Variants in FAM234B observed in about 807,000 individuals in gnomAD.
FAM234B encodes the protein family with sequence similarity 234 member B.
A neutral mutation model predicts 69.3 loss-of-function variants in FAM234B; 33 were observed. That is an observed-to-expected ratio of 0.48 (90% CI 0.36 to 0.64). The LOEUF (loss-of-function observed/expected upper bound fraction) is 0.64. Among genes scored for constraint, FAM234B ranks in the 30% least tolerant of loss-of-function variants. The probability of loss-of-function intolerance (pLI) is 0.00; values close to 1 mark genes in which losing one functional copy is unlikely to be tolerated. For synonymous variants in FAM234B, 306 were observed against 306.9 expected (o/e 1.00, Z 0.03); for missense variants, 697 against 769.7 (o/e 0.91, Z 1.12).
At chr12:13,064,450 G>A (rs1160078770) in intron 5 of FAM234B, among the ~76,000 whole-genome samples, 5 of 152,140 alleles carry the variant, frequency 3.3e-5, no homozygotes, top group South Asian at 2.1e-4. Context: ...TAACCATCCC[G>A]TCTGGCCGCT....
chr12:13,079,688 T>G, intron 11 of FAM234B, 101 bp from the exon 12 acceptor site: 1 of 738,622 alleles, frequency 1.4e-6, no homozygotes, highest in Non-Finnish European at 2.3e-6. Context: ...ATTTCCTGTA[T>G]GAACTTATGA....
chr12:13,045,570 G>A (rs1864800206), intron 1 of FAM234B, among the ~76,000 whole-genome samples: 1 of 152,100 alleles, frequency 6.6e-6, no homozygotes, highest in African/African-American at 2.4e-5. Context: ...ATGACGCTAG[G>A]TTGGATATTA....
intron 1 of FAM234B, among the ~76,000 whole-genome samples, chr12:13,046,872 T>G (rs1864818694): frequency 6.6e-6 from 1 of 152,220 alleles, no homozygotes; most frequent in African/African-American, 2.4e-5. Context: ...CTTAATCTCT[T>G]TAAGCTTTAG....
intron 1 of FAM234B, among the ~76,000 whole-genome samples, chr12:13,047,012 T>C (rs945846654): frequency 3.3e-5 from 5 of 152,240 alleles, no homozygotes; most frequent in African/African-American, 1.2e-4. Flanking sequence ...TCTAGTAACC[T>C]CTGACATATG....
rs1285384988 is a variant in FAM234B at position 13,076,114 on chromosome 12, A to C, written c.1613A>C (p.Asn538Thr). The C allele has an allele frequency of 6.2e-7, 1 of 1,613,840 alleles. No homozygotes were observed. The highest frequency in any genetic ancestry group is 1.1e-5 in the South Asian group (1 of 91,058). The change falls in exon 11 of 13, where the codon AAC becomes ACC. Residue 538 changes from asparagine (N) to threonine (T), a missense_variant. By Grantham distance (65) the Asn-to-Thr change is moderately conservative (BLOSUM62 0). Around this residue, in one of 3 missense-constraint regions of FAM234B, gnomAD observed 313 missense variants for 305.5 expected, o/e 1.02. Coordinates refer to ENST00000197268, the MANE Select transcript of FAM234B (RefSeq NM_020853.2). The stretch of plus-strand genomic sequence containing the variant: ...CCCTCCATCCTTCTGGATCTGGCCA[A>C]CACCACCGGCACAGTGACGGCTTCA... ...AFPSILLDLA[N>T]TTGTVTASEV...
At chr12:13,061,044 T>C (rs1487264709) in intron 3 of FAM234B, among the ~76,000 whole-genome samples, 2 of 152,246 alleles carry the variant, frequency 1.3e-5, no homozygotes, top group African/African-American at 2.4e-5. Flanking sequence ...ATTTTTCTGC[T>C]CTCAGGAAGC....
At chr12:13,071,437 T>G (rs148021103) in intron 10 of FAM234B, 41 bp downstream of exon 10, 2 of 1,573,318 alleles carry the variant, frequency 1.3e-6, no homozygotes, top group Non-Finnish European at 1.7e-6. Context: ...CTTTGTCAGA[T>G]GGCAGCTGCT....
At chr12:13,047,743 A>C (rs957766613) in intron 1 of FAM234B, among the ~76,000 whole-genome samples, 2 of 152,182 alleles carry the variant, frequency 1.3e-5, no homozygotes, top group Non-Finnish European at 2.9e-5. Context: ...GTGGTGGCTG[A>C]AAGTAGCAAG....
intron 9 of FAM234B, 98 bp downstream of exon 9, chr12:13,068,809 A>C: frequency 1.3e-6 from 1 of 740,818 alleles, no homozygotes; most frequent in Non-Finnish European, 2.3e-6. Context: ...AAGAACCTAA[A>C]ATATGATCTC....
chr12:13,072,191 A>G (rs1865113880), intron 10 of FAM234B, among the ~76,000 whole-genome samples: 1 of 152,228 alleles, frequency 6.6e-6, no homozygotes, highest in Non-Finnish European at 1.5e-5. Flanking sequence ...GAATTCATCA[A>G]CCAGGCTCAG....
chr12:13,080,764 G>A lies in FAM234B; in HGVS notation c.*134G>A. 1.4e-6 allele frequency: 1 copy of A among 717,080 alleles called. No individual in the cohort carries two copies. Among genetic ancestry groups the A allele is most frequent in the Non-Finnish European group, 2.3e-6 (1 of 429,048 alleles). 44.4% of individuals were successfully genotyped at this position (717,080 alleles called of 1,614,324 possible). A position where few individuals can be genotyped will look rare whatever the true frequency, so the allele number is the denominator to read the frequency against. ...TACCACCTCCCTGATGGTTGCAAAG[G>A]CTTGGGAAGGCATGTTGGAGTCTTT... is the stretch of plus-strand genomic sequence containing the variant. On this transcript the variant is annotated 3_prime_UTR_variant, in exon 13 of 13. Transcript: ENST00000197268.
intron 1 of FAM234B, among the ~76,000 whole-genome samples, chr12:13,054,804 C>T (rs2120454845): frequency 6.6e-6 from 1 of 152,272 alleles, no homozygotes; most frequent in African/African-American, 2.4e-5. Flanking sequence ...TATCCCAAAT[C>T]AACACTGCAA....
chr12:13,045,648 T>TGGAATATTGGAA (rs1460089031), intron 1 of FAM234B, among the ~76,000 whole-genome samples: 1 of 152,190 alleles, frequency 6.6e-6, no homozygotes, highest in East Asian at 1.9e-4. Context: ...ATGGGCTCAT[T>TGGAATATTGGAA]GGAACATTGG....
chr12:13,054,140 CTGAGG>C (rs1864904532), intron 1 of FAM234B, among the ~76,000 whole-genome samples: 1 of 152,088 alleles, frequency 6.6e-6, no homozygotes. Flanking sequence ...AATAGTGGTC[CTGAGG>C]TGACGTACAT....
At position 13,055,630 on chromosome 12, in the gene FAM234B, T is replaced by A. The variant is rs1333579136; in HGVS notation, c.117T>A (p.Leu39=). Residue 39 remains leucine (L), a synonymous_variant, in exon 2 of 13, where the codon CTT becomes CTA. Coordinates refer to ENST00000197268, the MANE Select transcript of FAM234B (RefSeq NM_020853.2). ...ATGAGAGCGAAGACGATCTGGTGCT[T>A]AACCTGCAGAAGAATGGAGGGGTCA... ...DSDESEDDLV[L]NLQKNGGVKN... 6.2e-7 allele frequency: 1 copy of A among 1,614,040 alleles called. No homozygotes were observed. The highest frequency in any genetic ancestry group is 1.3e-5 in the African/African-American group (1 of 74,910).
At chr12:13,065,588 A>G (rs1865027469) in intron 5 of FAM234B, among the ~76,000 whole-genome samples, 1 of 152,150 alleles carries the variant, frequency 6.6e-6, no homozygotes, top group East Asian at 1.9e-4. Flanking sequence ...TTAATAGACC[A>G]GTTTATTTTT....
At chr12:13,046,005 T>C (rs1864806607) in intron 1 of FAM234B, among the ~76,000 whole-genome samples, 1 of 152,188 alleles carries the variant, frequency 6.6e-6, no homozygotes, top group African/African-American at 2.4e-5. Context: ...TAGGAACTGG[T>C]TGGGGTTCCC....
Position 13,064,610 on chromosome 12 carries a change from C to T in FAM234B, c.852+1635C>T, listed in dbSNP as rs548833230. The stretch of plus-strand genomic sequence containing the variant: ...CTACTCAGTGTATTGCCCATCTTGC[C>T]CTACAGAATTTACTTGTTTTCACAA... On this transcript the variant is annotated intron_variant, in intron 5 of 12. Transcript: ENST00000197268. Among the ~76,000 whole-genome samples the T allele has an allele frequency of 2.0e-5, 3 of 152,198 alleles. No individual in the cohort carries two copies. In the East Asian group the frequency reaches 5.8e-4, roughly 30 times the overall value.
At position 13,067,143 on chromosome 12, in the gene FAM234B, C is replaced by A; in HGVS notation, c.1001-12C>A. Reference sequence around the variant, plus strand: ...ATTCAACTTCTCAGTGTTGGTTCTTCTGTGGTGCTAGGAAATATACAAGCT... The same window carrying A: ...ATTCAACTTCTCAGTGTTGGTTCTTATGTGGTGCTAGGAAATATACAAGCT... On this transcript the variant is annotated splice_polypyrimidine_tract_variant and intron_variant, in intron 6 of 12. Coordinates refer to ENST00000197268, the MANE Select transcript of FAM234B (RefSeq NM_020853.2). This position sits in a 1 kb window ranked among gnomAD's most constrained non-coding sequence, Gnocchi z 4.7. 6.2e-7 allele frequency: 1 copy of A among 1,613,932 alleles called. No individual in the cohort carries two copies. Among genetic ancestry groups the A allele is most frequent in the East Asian group, 2.2e-5 (1 of 44,882 alleles).
Sources: gnomAD v4.1 joint callset for allele counts (sites outside exome capture counted in the v4.1 genomes callset) on GRCh38, gnomAD v4.1.1 for gene constraint, gnomAD v4.1.1 regional missense constraint, Gnocchi (gnomAD v3.1) non-coding constraint, MANE v1.5 for transcripts, NCBI Gene and HGNC (gene_info 2026-07-23, HGNC 2026-07-21) for gene names.